The following PRDM5 variants were observed in gnomAD, a reference collection of about 807,000 sequenced individuals.
PRDM5 encodes the protein PR domain zinc finger protein 5.
In PRDM5, 56 loss-of-function variants were observed where a neutral mutation model predicts 81.2. That is an observed-to-expected ratio of 0.69 (90% CI 0.56 to 0.86). The LOEUF (loss-of-function observed/expected upper bound fraction) is 0.86. PRDM5 is among the 40% of genes least tolerant of loss of function. The probability of loss-of-function intolerance (pLI) is 0.00; values close to 1 mark genes in which losing one functional copy is unlikely to be tolerated. For missense variants in PRDM5, 697 were observed against 770.1 expected (o/e 0.91, Z 1.12); for synonymous variants, 267 against 256.4 (o/e 1.04, Z -0.39).
intron 15 of PRDM5, among the ~76,000 whole-genome samples, chr4:120,707,418 A>G (rs1258869119): frequency 6.6e-6 from 1 of 152,042 alleles, no homozygotes; most frequent in Non-Finnish European, 1.5e-5. Context: ...AAAGCTAGGT[A>G]AAAAGGGAGA....
intron 14 of PRDM5, among the ~76,000 whole-genome samples, chr4:120,732,230 T>C (rs777134817): frequency 5.9e-5 from 9 of 152,314 alleles, no homozygotes; most frequent in Admixed American, 2.0e-4. Context: ...TTATACACAG[T>C]TCATATGATC....
At chr4:120,758,965 C>T (rs2149170119) in intron 13 of PRDM5, among the ~76,000 whole-genome samples, 1 of 152,178 alleles carries the variant, frequency 6.6e-6, no homozygotes, top group Non-Finnish European at 1.5e-5. Context: ...CCTTGTTAGC[C>T]AGGATGGTCT....
intron 12 of PRDM5, among the ~76,000 whole-genome samples, chr4:120,780,940 T>C (rs1046688092): frequency 6.6e-6 from 1 of 152,124 alleles, no homozygotes; most frequent in African/African-American, 2.4e-5. Context: ...CTAACTCAGG[T>C]TCTCATTCAT....
chr4:120,782,020 C>G (rs963447021), intron 11 of PRDM5, among the ~76,000 whole-genome samples: 2 of 151,726 alleles, frequency 1.3e-5, no homozygotes, highest in African/African-American at 4.9e-5. Flanking sequence ...GGAAAGCAAC[C>G]TCAGAAAACA....
intron 7 of PRDM5, among the ~76,000 whole-genome samples, chr4:120,811,930 C>G (rs1283606690): frequency 6.6e-6 from 1 of 152,052 alleles, no homozygotes; most frequent in Non-Finnish European, 1.5e-5. Context: ...GTTATGTTGA[C>G]TATAGTCACC....
chr4:120,760,084 G>A (rs1315453578), intron 13 of PRDM5, among the ~76,000 whole-genome samples: 1 of 152,198 alleles, frequency 6.6e-6, no homozygotes, highest in Non-Finnish European at 1.5e-5. Context: ...TTCTCATATA[G>A]TGGAGGCCGA....
intron 14 of PRDM5, among the ~76,000 whole-genome samples, chr4:120,745,434 C>T (rs1340254466): frequency 2.0e-5 from 3 of 146,668 alleles, no homozygotes; most frequent in Non-Finnish European, 4.5e-5. Context: ...CTGGCCAGGG[C>T]AGTTAGGCAG....
intron 13 of PRDM5, among the ~76,000 whole-genome samples, chr4:120,767,013 G>C (rs781205548): frequency 1.3e-5 from 2 of 152,066 alleles, no homozygotes; most frequent in Non-Finnish European, 2.9e-5. Context: ...GCGAACAAGG[G>C]GGAAGAAGGA....
intron 2 of PRDM5, chr4:120,897,046 T>C (rs1261606120): frequency 6.6e-6 from 1 of 151,696 alleles, no homozygotes; most frequent in Admixed American, 6.6e-5. Flanking sequence ...AGTTTTCCTC[T>C]GGGTAAGATC....
chr4:120,713,609 T>C (rs1263326827), intron 14 of PRDM5, among the ~76,000 whole-genome samples: 1 of 152,240 alleles, frequency 6.6e-6, no homozygotes, highest in East Asian at 1.9e-4. Flanking sequence ...TTAATGGTTA[T>C]CCTTAAAATA....
Position 120,812,086 on chromosome 4 carries a change from G to A in PRDM5, c.866-637C>T, listed in dbSNP as rs529820305. ...ATTCTCTATCTTCATGAGTTTAATA[G>A]TTTTAATTTTAGCTTCCATATATAA... On this transcript the variant is annotated intron_variant, in intron 7 of 15. Transcript: ENST00000264808. Among the ~76,000 whole-genome samples, 6 of 152,130 alleles carry A rather than the reference G, an allele frequency of 3.9e-5. No individual in the cohort carries two copies. In the East Asian group the frequency reaches 1.2e-3, roughly 29 times the overall value.
chr4:120,721,254 TA>T (rs1227491436), intron 14 of PRDM5, among the ~76,000 whole-genome samples: 2 of 152,326 alleles, frequency 1.3e-5, no homozygotes, highest in Admixed American at 6.5e-5. Context: ...AATATTCTCC[TA>T]ATTTCTAGTC....
At chr4:120,763,373 C>G (rs1745919253) in intron 13 of PRDM5, among the ~76,000 whole-genome samples, 1 of 152,174 alleles carries the variant, frequency 6.6e-6, no homozygotes, top group Non-Finnish European at 1.5e-5. Context: ...ACTCAGGATG[C>G]TCTTGCTTCA....
intron 3 of PRDM5, among the ~76,000 whole-genome samples, chr4:120,843,324 G>C (rs536032686): frequency 6.6e-6 from 1 of 151,792 alleles, no homozygotes; most frequent in East Asian, 1.9e-4. Flanking sequence ...GCAACAGAGA[G>C]AGACCCTGTC....
intron 2 of PRDM5, among the ~76,000 whole-genome samples, chr4:120,887,815 C>T (rs1763610422): frequency 2.4e-5 from 1 of 42,144 alleles, no homozygotes; most frequent in South Asian, 8.2e-4. Flanking sequence ...TTTTTTGAGA[C>T]GGAGTCTCGC....
chr4:120,785,828 G>T (rs888501201), intron 10 of PRDM5, among the ~76,000 whole-genome samples: 6 of 151,910 alleles, frequency 3.9e-5, no homozygotes, highest in African/African-American at 1.5e-4. Flanking sequence ...TAAGCACCCA[G>T]GTACATAAGA....
chr4:120,873,507 G>C (rs960800316), intron 2 of PRDM5, among the ~76,000 whole-genome samples: 2 of 152,124 alleles, frequency 1.3e-5, no homozygotes, highest in African/African-American at 4.8e-5. Context: ...GTACTTCAAA[G>C]TTTACTATCA....
At chr4:120,854,108 C>A (rs542152737) in intron 2 of PRDM5, among the ~76,000 whole-genome samples, 36 of 152,206 alleles carry the variant, frequency 2.4e-4, no homozygotes, top group Non-Finnish European at 7.3e-5. Context: ...TCATGGCCCA[C>A]TCATGGATTG....
chr4:120,690,439 A>G (rs1733995691), downstream of PRDM5, among the ~76,000 whole-genome samples: 1 of 152,162 alleles, frequency 6.6e-6, no homozygotes, highest in South Asian at 2.1e-4. Context: ...CGGACTGAAA[A>G]GCACTCAATT....
Sources: allele counts gnomAD v4.1 joint callset (sites outside exome capture counted in the v4.1 genomes callset), GRCh38; gene constraint gnomAD v4.1.1; transcripts MANE v1.5; gene names NCBI Gene and HGNC (gene_info 2026-07-23, HGNC 2026-07-21).